The following KCNJ6 variants were observed in gnomAD, a reference collection of about 807,000 sequenced individuals.
The protein encoded by KCNJ6 is potassium inwardly rectifying channel subfamily J member 6.
Under a neutral mutation model 34.2 loss-of-function variants are expected in KCNJ6, and 9 were observed. The observed-to-expected ratio is 0.26, with a 90% CI of 0.16 to 0.46. The LOEUF (loss-of-function observed/expected upper bound fraction) is 0.46. Among genes scored for constraint, KCNJ6 ranks in the 20% least tolerant of loss-of-function variants. The probability of loss-of-function intolerance (pLI) is 1.00; values close to 1 mark genes in which losing one functional copy is unlikely to be tolerated. For synonymous variants in KCNJ6, 196 were observed against 207.1 expected (o/e 0.95, Z 0.46); for missense variants, 236 against 531.3 (o/e 0.44, Z 5.46).
intron 2 of KCNJ6, among the ~76,000 whole-genome samples, chr21:37,726,506 A>C (rs1008118977): frequency 6.6e-6 from 1 of 152,230 alleles, no homozygotes; most frequent in African/African-American, 2.4e-5. Flanking sequence ...CAAATTGTCC[A>C]TGCCACAGCA....
At chr21:37,909,161 C>T (rs773361064) in intron 1 of KCNJ6, among the ~76,000 whole-genome samples, 1 of 152,130 alleles carries the variant, frequency 6.6e-6, no homozygotes, top group Non-Finnish European at 1.5e-5. Flanking sequence ...GGTCCTTGTA[C>T]GGCATCAACC....
intron 3 of KCNJ6, 76 bp from the exon 4 acceptor site, chr21:37,625,560 G>GCC (rs2054307139): frequency 9.5e-7 from 1 of 1,053,658 alleles, no homozygotes; most frequent in Non-Finnish European, 1.4e-6. Flanking sequence ...AGAGAGCCAG[G>GCC]AGGAGTACTG....
In KCNJ6 at chr21:37,814,991, T is replaced by C. The variant is rs117306760; in HGVS notation, c.25+25667A>G. 1.6e-3 allele frequency among the ~76,000 whole-genome samples: 238 copies of C among 151,996 alleles called. 6 individuals carry two copies. The East Asian group carries it at 0.044, about 28-fold the overall frequency. On this transcript the variant is annotated intron_variant, in intron 2 of 3. Coordinates refer to ENST00000609713, the MANE Select transcript of KCNJ6 (RefSeq NM_002240.5). ...ACATGGAAGGAATTGCAGGTCATTA[T>C]GCTAAGTGAAATAAGCCAGGCACAG...
intron 1 of KCNJ6, among the ~76,000 whole-genome samples, chr21:37,882,132 G>A (rs1314006499): frequency 6.6e-6 from 1 of 152,198 alleles, no homozygotes; most frequent in East Asian, 1.9e-4. Context: ...CACTTCTACA[G>A]TTTTATGTGG....
chr21:37,642,778 G>A (rs1046194763), intron 3 of KCNJ6, among the ~76,000 whole-genome samples: 2 of 152,094 alleles, frequency 1.3e-5, no homozygotes, highest in African/African-American at 4.8e-5. Flanking sequence ...AGAGATGGGT[G>A]AGGCTGGGAG....
intron 3 of KCNJ6, among the ~76,000 whole-genome samples, chr21:37,673,714 G>A (rs1044480680): frequency 1.3e-5 from 2 of 152,206 alleles, no homozygotes; most frequent in Non-Finnish European, 2.9e-5. Context: ...GAGTTAGAGG[G>A]GGACAGGGAA....
intron 2 of KCNJ6, among the ~76,000 whole-genome samples, chr21:37,760,043 G>T (rs765483388): frequency 6.6e-6 from 1 of 152,136 alleles, no homozygotes; most frequent in Non-Finnish European, 1.5e-5. Flanking sequence ...GCACCAACTC[G>T]CCAGCCACGG....
intron 2 of KCNJ6, among the ~76,000 whole-genome samples, chr21:37,830,258 AG>A (rs1156527025): frequency 6.6e-6 from 1 of 152,130 alleles, no homozygotes; most frequent in African/African-American, 2.4e-5. Flanking sequence ...TCCCAGTGTT[AG>A]GCAAGTGGAA....
At position 37,731,136 on chromosome 21, in the gene KCNJ6, C is replaced by T. The variant is rs149409511; in HGVS notation, c.26-16005G>A. 7.3e-4 allele frequency among the ~76,000 whole-genome samples: 104 copies of T among 142,036 alleles called. 1 individual carries two copies. The East Asian group carries it at 0.018, about 24-fold the overall frequency. 93.2% of individuals were successfully genotyped at this position (142,036 alleles called of 152,430 possible). A position where few individuals can be genotyped will look rare whatever the true frequency, so the allele number is the denominator to read the frequency against. On this transcript the variant is annotated intron_variant, in intron 2 of 3. Coordinates refer to ENST00000609713, the MANE Select transcript of KCNJ6 (RefSeq NM_002240.5). Reference sequence around the variant, plus strand: ...GTGTGTGTGTGTGTGTGTTTGTGTGCCTGCATGTGTGTACAAGGTGAGAAA... The same window carrying T: ...GTGTGTGTGTGTGTGTGTTTGTGTGTCTGCATGTGTGTACAAGGTGAGAAA...
intron 1 of KCNJ6, among the ~76,000 whole-genome samples, chr21:37,855,744 C>CAG (rs1442813617): frequency 6.6e-6 from 1 of 152,176 alleles, no homozygotes; most frequent in Non-Finnish European, 1.5e-5. Flanking sequence ...CCAAGAAACT[C>CAG]AGTTCTGCTC....
chr21:37,814,259 A>G (rs186145169), intron 2 of KCNJ6, among the ~76,000 whole-genome samples: 48 of 152,314 alleles, frequency 3.2e-4, no homozygotes, highest in African/African-American at 1.1e-3. Context: ...GGCAATAACA[A>G]ATAAAATAGC....
At chr21:37,748,615 C>T (rs570912377) in intron 2 of KCNJ6, among the ~76,000 whole-genome samples, 3 of 152,300 alleles carry the variant, frequency 2.0e-5, no homozygotes, top group African/African-American at 7.2e-5. Flanking sequence ...CTTAGTGGAA[C>T]GCTTCAAAGC....
At chr21:37,913,855 C>A (rs904527678) in intron 1 of KCNJ6, among the ~76,000 whole-genome samples, 1 of 152,032 alleles carries the variant, frequency 6.6e-6, no homozygotes, top group Non-Finnish European at 1.5e-5. Flanking sequence ...GGTTGGCTGG[C>A]CTCTCGCTGA....
intron 2 of KCNJ6, among the ~76,000 whole-genome samples, chr21:37,773,136 GGAT>G (rs1049366714): frequency 3.9e-5 from 6 of 152,114 alleles, no homozygotes; most frequent in African/African-American, 1.4e-4. Context: ...AACTGTTTGT[GGAT>G]GATGATCCTT....
intron 3 of KCNJ6, among the ~76,000 whole-genome samples, chr21:37,658,249 T>A (rs529844626): frequency 1.3e-4 from 20 of 152,168 alleles, no homozygotes; most frequent in Non-Finnish European, 2.4e-4. Flanking sequence ...CACAGTGAAT[T>A]AAATGGAGAG....
intron 1 of KCNJ6, among the ~76,000 whole-genome samples, chr21:37,859,497 ATATATATATATATATATAT>A (rs2055582790): frequency 1.1e-4 from 2 of 18,824 alleles, no homozygotes; most frequent in South Asian, 5.0e-3. Context: ...TTATATATAT[ATATATATATATATATATAT>A]ATATATATAT....
chr21:37,794,466 C>T (rs1430083713), intron 2 of KCNJ6, among the ~76,000 whole-genome samples: 1 of 152,178 alleles, frequency 6.6e-6, no homozygotes, highest in African/African-American at 2.4e-5. Flanking sequence ...AGTGCTTAAA[C>T]CAAAGACTGG....
intron 1 of KCNJ6, among the ~76,000 whole-genome samples, chr21:37,885,899 T>A (rs1481915791): frequency 6.6e-6 from 1 of 152,226 alleles, no homozygotes; most frequent in African/African-American, 2.4e-5. Context: ...GACTACTGCA[T>A]GCCTTCTGCC....
At chr21:37,877,691 C>T (rs947980201) in intron 1 of KCNJ6, among the ~76,000 whole-genome samples, 5 of 152,142 alleles carry the variant, frequency 3.3e-5, no homozygotes, top group Non-Finnish European at 7.3e-5. Context: ...TATTTCCCCA[C>T]CTACAGTCGG....
Sources: gnomAD v4.1 joint callset for allele counts (sites outside exome capture counted in the v4.1 genomes callset) on GRCh38, gnomAD v4.1.1 for gene constraint, MANE v1.5 for transcripts, NCBI Gene and HGNC (gene_info 2026-07-23, HGNC 2026-07-21) for gene names.